FHIT: variants seen among roughly 807,000 people sequenced by gnomAD.
FHIT encodes bis(5'-adenosyl)-triphosphatase.
FHIT carries 19 observed loss-of-function variants against 17.9 expected under a neutral mutation model. The ratio of observed to expected loss-of-function variants is 1.06; its 90% CI spans 0.74 to 1.56. The LOEUF (loss-of-function observed/expected upper bound fraction) is 1.56, where lower values mean the gene tolerates loss of function less well. Among genes scored for constraint, FHIT ranks in the 40% most tolerant of loss-of-function variants. The pLI is 0.00. For synonymous variants in FHIT, 81 were observed against 69.7 expected, an observed-to-expected ratio of 1.16 and a Z score of -0.81; for missense variants, 248 against 189.2, an observed-to-expected ratio of 1.31 and a Z score of -1.82.
At position 60,205,769 on chromosome 3, in the gene FHIT, C is replaced by T. The variant is rs573013780; in HGVS notation, c.104-191617G>A. Among the ~76,000 whole-genome samples the T allele has an allele frequency of 3.3e-5, 5 of 152,044 alleles. No homozygotes were observed. In the South Asian group the frequency reaches 8.3e-4, roughly 25 times the overall value. ...CTTGAATTTCATGGTCATATTTATGCATTTTTGGTGAAATTGTGTTTTTAA... is the reference window on the plus strand; with the variant it reads ...CTTGAATTTCATGGTCATATTTATGTATTTTTGGTGAAATTGTGTTTTTAA... On this transcript the variant is annotated intron_variant, in intron 5 of 9. Coordinates refer to ENST00000492590, the MANE Select transcript of FHIT (RefSeq NM_002012.4).
intron 4 of FHIT, among the ~76,000 whole-genome samples, chr3:60,591,976 A>T (rs1353454485): frequency 6.6e-6 from 1 of 151,972 alleles, no homozygotes; most frequent in Non-Finnish European, 1.5e-5. Flanking sequence ...TGCCAGTCAG[A>T]ACAGCTTCCA....
At chr3:60,110,001 C>G (rs1260333233) in intron 5 of FHIT, among the ~76,000 whole-genome samples, 1 of 152,108 alleles carries the variant, frequency 6.6e-6, no homozygotes, top group Non-Finnish European at 1.5e-5. Flanking sequence ...GTTTTCTTTT[C>G]GAGACCTCGA....
chr3:60,733,739 T>C (rs2042079934), intron 4 of FHIT, among the ~76,000 whole-genome samples: 1 of 152,224 alleles, frequency 6.6e-6, no homozygotes, highest in Non-Finnish European at 1.5e-5. Context: ...CTTTCTCTAA[T>C]TACACCTGGA....
intron 4 of FHIT, among the ~76,000 whole-genome samples, chr3:60,763,743 A>G (rs782540877): frequency 2.6e-5 from 4 of 152,230 alleles, no homozygotes; most frequent in Non-Finnish European, 4.4e-5. Context: ...CTCAGCATAT[A>G]CACAAATCAA....
intron 4 of FHIT, chr3:60,690,379 A>G (rs1344551753): frequency 8.7e-6 from 5 of 576,578 alleles, no homozygotes; most frequent in South Asian, 2.7e-5. Flanking sequence ...GGCAGGGCAC[A>G]TGAAAAACTG....
At chr3:59,903,645 T>A (rs1445748176) in intron 8 of FHIT, among the ~76,000 whole-genome samples, 1 of 152,154 alleles carries the variant, frequency 6.6e-6, no homozygotes, top group Non-Finnish European at 1.5e-5. Context: ...AGAGGAGGAT[T>A]ATTGTAGCCT....
At chr3:59,938,450 T>G (rs770509120) in intron 7 of FHIT, among the ~76,000 whole-genome samples, 2 of 151,990 alleles carry the variant, frequency 1.3e-5, no homozygotes, top group African/African-American at 2.4e-5. Flanking sequence ...AGCAGCAGAT[T>G]TGTAGGAAGA....
chr3:60,550,271 A>C (rs2036501488), intron 4 of FHIT, among the ~76,000 whole-genome samples: 1 of 152,202 alleles, frequency 6.6e-6, no homozygotes, highest in Non-Finnish European at 1.5e-5. Flanking sequence ...TGATTTGTAA[A>C]ACATTCTAAT....
chr3:60,790,045 C>T (rs1700722456), intron 4 of FHIT, among the ~76,000 whole-genome samples: 1 of 152,092 alleles, frequency 6.6e-6, no homozygotes, highest in African/African-American at 2.4e-5. Flanking sequence ...TATAAATAGG[C>T]TAATACTCTG....
At chr3:59,798,921 A>G (rs1699886032) in intron 8 of FHIT, among the ~76,000 whole-genome samples, 1 of 152,222 alleles carries the variant, frequency 6.6e-6, no homozygotes, top group African/African-American at 2.4e-5. Flanking sequence ...CATTGGACGT[A>G]TTTAAAATAT....
Position 60,220,059 on chromosome 3 carries a change from A to G in FHIT, c.104-205907T>C, listed in dbSNP as rs77160075. On this transcript the variant is annotated intron_variant, in intron 5 of 9. Transcript: ENST00000492590. ...TGGCAAGAAAGTGGCAAAGAATTAC[A>G]AGTCAGGATAGAGGCTAAACATGAA... Among the ~76,000 whole-genome samples, 519 of 152,286 alleles carry G rather than the reference A, an allele frequency of 3.4e-3. 4 individuals carry two copies. Among genetic ancestry groups the G allele is most frequent in the African/African-American group, 0.012 (500 of 41,584 alleles).
At chr3:61,041,939 T>C (rs1157614360) in intron 3 of FHIT, 108 bp downstream of exon 3, 3 of 152,238 alleles carry the variant, frequency 2.0e-5, no homozygotes, top group Admixed American at 2.0e-4. Context: ...CATATATCTC[T>C]CCTTCTAAAT....
intron 3 of FHIT, among the ~76,000 whole-genome samples, chr3:60,952,612 A>G (rs576762282): frequency 1.3e-5 from 2 of 152,330 alleles, no homozygotes; most frequent in African/African-American, 4.8e-5. Context: ...AAGGCACATT[A>G]AAATACAAAA....
intron 8 of FHIT, among the ~76,000 whole-genome samples, chr3:59,920,102 A>C (rs1204903456): frequency 6.6e-6 from 1 of 152,202 alleles, no homozygotes; most frequent in Non-Finnish European, 1.5e-5. Context: ...TTTACTAACC[A>C]TTGCTACTTA....
intron 4 of FHIT, chr3:60,690,116 T>A (rs553221112): frequency 1.1e-4 from 38 of 336,698 alleles, no homozygotes; most frequent in African/African-American, 7.3e-4. Flanking sequence ...GGAACTGCAG[T>A]GAAAGCACAA....
chr3:60,722,759 C>A (rs2041836707), intron 4 of FHIT, among the ~76,000 whole-genome samples: 1 of 135,486 alleles, frequency 7.4e-6, no homozygotes, highest in South Asian at 2.3e-4. Context: ...GTTGACCAGG[C>A]TGGAATGCAG....
chr3:59,849,411 A>G (rs1211185247), intron 8 of FHIT, among the ~76,000 whole-genome samples: 3 of 152,204 alleles, frequency 2.0e-5, no homozygotes, highest in Non-Finnish European at 2.9e-5. Flanking sequence ...TATTAAATGC[A>G]TATGAAAAAG....
At chr3:60,155,483 C>A (rs772297572) in intron 5 of FHIT, among the ~76,000 whole-genome samples, 2 of 152,192 alleles carry the variant, frequency 1.3e-5, no homozygotes, top group African/African-American at 2.4e-5. Flanking sequence ...CAGTGTCCTT[C>A]CCCAATTCTG....
chr3:60,453,459 G>T (rs1051175200), intron 5 of FHIT, among the ~76,000 whole-genome samples: 1 of 152,140 alleles, frequency 6.6e-6, no homozygotes, highest in Non-Finnish European at 1.5e-5. Context: ...GCCAGGCCAG[G>T]CACCAGGCTA....
Sources: allele counts gnomAD v4.1 joint callset (sites outside exome capture counted in the v4.1 genomes callset), GRCh38; gene constraint gnomAD v4.1.1; transcripts MANE v1.5; gene names NCBI Gene and HGNC (gene_info 2026-07-23, HGNC 2026-07-21).